CAMTA1: variants seen among roughly 807,000 people sequenced by gnomAD.
CAMTA1 encodes calmodulin-binding transcription activator 1.
In CAMTA1, 27 loss-of-function variants were observed where a neutral mutation model predicts 170.9. The ratio of observed to expected loss-of-function variants is 0.16; its 90% CI spans 0.12 to 0.22. The LOEUF (loss-of-function observed/expected upper bound fraction) is 0.22. Among genes scored for constraint, CAMTA1 ranks in the 10% least tolerant of loss-of-function variants. The pLI is 1.00. For synonymous variants in CAMTA1, 833 were observed against 891.5 expected (o/e 0.93, Z 1.17); for missense variants, 1,619 against 2,217.2 (o/e 0.73, Z 5.42).
intron 1 of CAMTA1, among the ~76,000 whole-genome samples, chr1:6,787,596 A>G (rs1417641782): frequency 6.6e-6 from 1 of 152,236 alleles, no homozygotes; most frequent in Non-Finnish European, 1.5e-5. Flanking sequence ...ATGTGTAATG[A>G]TACAGATAGA....
chr1:7,176,445 A>G (rs889512409), intron 4 of CAMTA1, among the ~76,000 whole-genome samples: 1 of 152,162 alleles, frequency 6.6e-6, no homozygotes, highest in African/African-American at 2.4e-5. Context: ...CAAGGGAACA[A>G]TGCCTTTATG....
chr1:7,128,831 C>CT lies in CAMTA1; in HGVS notation c.302+37487dup, dbSNP rs34180837. On this transcript the variant is annotated intron_variant, in intron 4 of 22. Transcript: ENST00000303635. ...CACCACACCCGATTAGCTCCCCCTC[C>CT]TTTTTTTTTTTTTTTTTTTTTTTTT... Among the ~76,000 whole-genome samples the CT allele has an allele frequency of 3.9e-3, 239 of 61,370 alleles. 6 individuals carry two copies. The highest frequency in any genetic ancestry group is 6.2e-3 in the South Asian group (6 of 970). 40.3% of individuals were successfully genotyped at this position (61,370 alleles called of 152,430 possible). A position where few individuals can be genotyped will look rare whatever the true frequency, so the allele number is the denominator to read the frequency against.
At chr1:7,012,552 C>T (rs1339383643) in intron 3 of CAMTA1, among the ~76,000 whole-genome samples, 1 of 152,166 alleles carries the variant, frequency 6.6e-6, no homozygotes, top group Non-Finnish European at 1.5e-5. Flanking sequence ...TTCTCATTTG[C>T]AGGCAGACTC....
At chr1:7,582,383 T>C (rs966102294) in intron 6 of CAMTA1, among the ~76,000 whole-genome samples, 1 of 152,174 alleles carries the variant, frequency 6.6e-6, no homozygotes. Flanking sequence ...CCCTGCATCC[T>C]TGGGTGTGTC....
chr1:7,698,074 A>ACCCCCCCCCC lies in CAMTA1; in HGVS notation c.2914+20346_2914+20355dup, dbSNP rs55893283. Among the ~76,000 whole-genome samples the ACCCCCCCCCC allele has an allele frequency of 1.3e-4, 13 of 98,586 alleles. 2 individuals carry two copies. Among genetic ancestry groups the ACCCCCCCCCC allele is most frequent in the Non-Finnish European group, 1.7e-4 (8 of 46,022 alleles). 64.7% of individuals were successfully genotyped at this position (98,586 alleles called of 152,430 possible). ...CAGGTCATGCTGGCCACGCACTGTG[A>ACCCCCCCCCC]CCCCCCCCCCCCCCACCAACATGGC... On this transcript the variant is annotated intron_variant, in intron 11 of 22. Transcript: ENST00000303635.
intron 3 of CAMTA1, among the ~76,000 whole-genome samples, chr1:6,987,711 C>T (rs182007434): frequency 2.7e-4 from 41 of 152,316 alleles, no homozygotes; most frequent in African/African-American, 8.9e-4. Context: ...TGTAGATACT[C>T]GTTGCTATTG....
chr1:7,052,877 G>A (rs993471967), intron 3 of CAMTA1, among the ~76,000 whole-genome samples: 8 of 152,084 alleles, frequency 5.3e-5, no homozygotes, highest in East Asian at 1.9e-4. Context: ...GGGCCGGGCC[G>A]TCCCCTCTTA....
chr1:7,582,226 G>T (rs1240141205), intron 6 of CAMTA1, among the ~76,000 whole-genome samples: 1 of 152,186 alleles, frequency 6.6e-6, no homozygotes, highest in Non-Finnish European at 1.5e-5. Context: ...CCACGTGGCG[G>T]TTGCTCAGAG....
At chr1:7,672,233 TAC>T in intron 10 of CAMTA1, 1 of 371,052 alleles carries the variant, frequency 2.7e-6, no homozygotes, top group Non-Finnish European at 5.4e-6. Context: ...GGGGTGGGAG[TAC>T]AGAGCTGGCC....
chr1:7,611,259 T>C (rs1231280824), intron 6 of CAMTA1, among the ~76,000 whole-genome samples: 2 of 152,138 alleles, frequency 1.3e-5, no homozygotes, highest in African/African-American at 4.8e-5. Context: ...GTTGATATTT[T>C]GTTCATTGTG....
intron 11 of CAMTA1, among the ~76,000 whole-genome samples, chr1:7,725,072 G>T (rs1040787692): frequency 2.6e-5 from 4 of 152,160 alleles, no homozygotes; most frequent in Non-Finnish European, 5.9e-5. Flanking sequence ...GGGAGAAGAG[G>T]TTCATGAAGA....
chr1:6,806,635 C>G (rs1557590958), intron 1 of CAMTA1, among the ~76,000 whole-genome samples: 1 of 152,154 alleles, frequency 6.6e-6, no homozygotes, highest in Non-Finnish European at 1.5e-5. Flanking sequence ...AGAGAGCAAA[C>G]AGCTCTTCCA....
chr1:7,688,139 G>T (rs1263031318), intron 11 of CAMTA1, among the ~76,000 whole-genome samples: 3 of 150,150 alleles, frequency 2.0e-5, no homozygotes, highest in Non-Finnish European at 4.4e-5. Context: ...CTCCCAAGTA[G>T]TTGGGATTAC....
In CAMTA1 at chr1:7,063,359, A is replaced by C. The variant is rs999406411; in HGVS notation, c.235-27945A>C. Among the ~76,000 whole-genome samples, 4 of 152,220 alleles carry C rather than the reference A, an allele frequency of 2.6e-5. No homozygotes were observed. Among genetic ancestry groups the C allele is most frequent in the African/African-American group, 9.6e-5 (4 of 41,460 alleles). On this transcript the variant is annotated intron_variant, in intron 3 of 22. Coordinates refer to ENST00000303635, the MANE Select transcript of CAMTA1 (RefSeq NM_015215.4). The surrounding 1 kb of genome is among the most constrained non-coding windows in gnomAD (Gnocchi z 4.3). ...CTTCCCAGAGGGAGGTGTCATCTGC[A>C]GCGCTTTGCTTACCCGTTTGACCAC...
intron 5 of CAMTA1, among the ~76,000 whole-genome samples, chr1:7,399,195 GCT>G (rs1409903687): frequency 6.6e-6 from 1 of 152,134 alleles, no homozygotes; most frequent in Non-Finnish European, 1.5e-5. Flanking sequence ...ATGCGTTCTT[GCT>G]CTGTTAGTTT....
chr1:7,731,213 T>C (rs1468354601), intron 11 of CAMTA1, among the ~76,000 whole-genome samples: 1 of 152,006 alleles, frequency 6.6e-6, no homozygotes, highest in Non-Finnish European at 1.5e-5. Flanking sequence ...CAACAGTAAT[T>C]CCTGTTGTTT....
chr1:7,597,539 T>C (rs1182652266), intron 6 of CAMTA1, among the ~76,000 whole-genome samples: 1 of 152,108 alleles, frequency 6.6e-6, no homozygotes, highest in African/African-American at 2.4e-5. Context: ...TTAGTCAGGG[T>C]TCTCCATGTA....
At chr1:7,531,184 G>A (rs1346208628) in intron 6 of CAMTA1, among the ~76,000 whole-genome samples, 1 of 151,886 alleles carries the variant, frequency 6.6e-6, no homozygotes, top group Non-Finnish European at 1.5e-5. Context: ...GAGGGAGGGA[G>A]GGAGGGAAGG....
chr1:7,086,385 T>C (rs1558075867), intron 3 of CAMTA1, among the ~76,000 whole-genome samples: 1 of 152,154 alleles, frequency 6.6e-6, no homozygotes, highest in Non-Finnish European at 1.5e-5. Context: ...TTCCCCCTAA[T>C]GCCACATCTG....
Sources: gnomAD v4.1 joint callset for allele counts (sites outside exome capture counted in the v4.1 genomes callset) on GRCh38, gnomAD v4.1.1 for gene constraint, Gnocchi (gnomAD v3.1) non-coding constraint, MANE v1.5 for transcripts, NCBI Gene and HGNC (gene_info 2026-07-23, HGNC 2026-07-21) for gene names.